The following RALGPS2 variants were observed in gnomAD, a reference collection of about 807,000 sequenced individuals.
RALGPS2 encodes the protein ras-specific guanine nucleotide-releasing factor RalGPS2.
In RALGPS2, 43 loss-of-function variants were observed where a neutral mutation model predicts 86.8. The observed-to-expected ratio is 0.50, with a 90% CI of 0.39 to 0.64. The LOEUF is 0.64. Among genes scored for constraint, RALGPS2 ranks in the 30% least tolerant of loss-of-function variants. The probability of loss-of-function intolerance (pLI) is 0.00; values close to 1 mark genes in which losing one functional copy is unlikely to be tolerated. For synonymous variants in RALGPS2, 243 were observed against 231.3 expected (o/e 1.05, Z -0.46); for missense variants, 536 against 694.6 (o/e 0.77, Z 2.57).
At chr1:178,862,277 G>A (rs757227633) in intron 8 of RALGPS2, among the ~76,000 whole-genome samples, 16 of 152,042 alleles carry the variant, frequency 1.1e-4, no homozygotes, top group Non-Finnish European at 2.2e-4. Context: ...ATGATATAAC[G>A]TATTAAATTA....
At chr1:178,863,474 T>A (rs1658170463) in intron 8 of RALGPS2, among the ~76,000 whole-genome samples, 1 of 152,178 alleles carries the variant, frequency 6.6e-6, no homozygotes, top group Non-Finnish European at 1.5e-5. Context: ...CCTAGGTGTG[T>A]TTGTTTGAAT....
At chr1:178,902,274 G>A in intron 18 of RALGPS2, 63 bp downstream of exon 18, 2 of 1,276,740 alleles carry the variant, frequency 1.6e-6, no homozygotes, top group East Asian at 2.3e-5. Flanking sequence ...ATGTATGTAT[G>A]TATGTGTGTG....
chr1:178,773,505 A>G (rs1652909101), intron 1 of RALGPS2, among the ~76,000 whole-genome samples: 1 of 152,264 alleles, frequency 6.6e-6, no homozygotes. Context: ...TACTAAAAGA[A>G]TAAACTCGTA....
chr1:178,749,551 A>G (rs1035426251), intron 1 of RALGPS2, among the ~76,000 whole-genome samples: 1 of 152,240 alleles, frequency 6.6e-6, no homozygotes, highest in Non-Finnish European at 1.5e-5. Flanking sequence ...TAGGGGAAGG[A>G]CAATGATTTG....
rs997443347 is a variant in RALGPS2, at chr1:178,752,448, C to G, written c.-83-24234C>G. Among the ~76,000 whole-genome samples, 7 of 152,010 alleles carry G rather than the reference C, an allele frequency of 4.6e-5. No homozygotes were observed. The South Asian group carries it at 6.2e-4, about 14-fold the overall frequency. On this transcript the variant is annotated intron_variant, in intron 1 of 19. Transcript: ENST00000367635. ...CAAAGTGGTGAGATACAGGTGTGAG[C>G]CATGTTGCCTGGCCATAGTAGCTTT...
At chr1:178,793,101 G>A (rs1474647663) in intron 4 of RALGPS2, among the ~76,000 whole-genome samples, 1 of 152,088 alleles carries the variant, frequency 6.6e-6, no homozygotes, top group Non-Finnish European at 1.5e-5. Flanking sequence ...TTATTTAAAA[G>A]CCCTTTGAAT....
At chr1:178,861,454 T>C (rs1467948415) in intron 8 of RALGPS2, among the ~76,000 whole-genome samples, 2 of 152,136 alleles carry the variant, frequency 1.3e-5, no homozygotes, top group South Asian at 2.1e-4. Flanking sequence ...TCGTGGGTTT[T>C]TTTTTTTGTA....
intron 19 of RALGPS2, among the ~76,000 whole-genome samples, chr1:178,910,827 G>A (rs930714523): frequency 1.3e-5 from 2 of 152,156 alleles, no homozygotes; most frequent in Non-Finnish European, 2.9e-5. Context: ...AATATTTTCA[G>A]TAGGATTGGT....
At chr1:178,785,050 A>C (rs777173730) in intron 3 of RALGPS2, among the ~76,000 whole-genome samples, 2 of 152,066 alleles carry the variant, frequency 1.3e-5, no homozygotes, top group Non-Finnish European at 2.9e-5. Flanking sequence ...TGGTCATAGC[A>C]TATTATTCCT....
chr1:178,911,503 C>G (rs1004971477), intron 19 of RALGPS2, among the ~76,000 whole-genome samples: 1 of 152,050 alleles, frequency 6.6e-6, no homozygotes, highest in Non-Finnish European at 1.5e-5. Context: ...TGTTTAAGTT[C>G]CATATAATTG....
intron 1 of RALGPS2, chr1:178,747,462 T>A: frequency 6.3e-7 from 1 of 1,598,320 alleles, no homozygotes; most frequent in Non-Finnish European, 8.6e-7. Context: ...TGGTCATCTG[T>A]TGGCCAGTAC....
At chr1:178,803,567 G>A (rs1018889157) in intron 4 of RALGPS2, among the ~76,000 whole-genome samples, 1 of 152,024 alleles carries the variant, frequency 6.6e-6, no homozygotes, top group Non-Finnish European at 1.5e-5. Flanking sequence ...TAATATTTTT[G>A]TGTGAATATA....
intron 1 of RALGPS2, among the ~76,000 whole-genome samples, chr1:178,746,076 A>G (rs1651312109): frequency 6.6e-6 from 1 of 151,788 alleles, no homozygotes; most frequent in African/African-American, 2.4e-5. Context: ...CCCACCTCAG[A>G]CTCCCAAAGT....
intron 13 of RALGPS2, 43 bp from the exon 14 acceptor site, chr1:178,889,599 G>C: frequency 7.8e-7 from 1 of 1,287,008 alleles, no homozygotes. Context: ...AAACTAGAGA[G>C]GTAATTCTGA....
At chr1:178,856,872 A>G (rs1205818303) in intron 8 of RALGPS2, among the ~76,000 whole-genome samples, 1 of 152,210 alleles carries the variant, frequency 6.6e-6, no homozygotes, top group Non-Finnish European at 1.5e-5. Context: ...TAAAAATAGT[A>G]GCCAATTTTA....
intron 1 of RALGPS2, among the ~76,000 whole-genome samples, chr1:178,744,246 A>G (rs1053814959): frequency 1.3e-5 from 2 of 152,214 alleles, no homozygotes; most frequent in Non-Finnish European, 2.9e-5. Flanking sequence ...AAAAAAAACT[A>G]TATGATCATC....
intron 8 of RALGPS2, among the ~76,000 whole-genome samples, chr1:178,855,354 A>G (rs918760304): frequency 6.8e-5 from 10 of 147,722 alleles, no homozygotes; most frequent in Admixed American, 1.3e-4. Flanking sequence ...GAAACTGTCT[A>G]TAATTTTTTG....
chr1:178,756,811 CT>C (rs1651978865), intron 1 of RALGPS2, among the ~76,000 whole-genome samples: 1 of 152,050 alleles, frequency 6.6e-6, no homozygotes, highest in Non-Finnish European at 1.5e-5. Flanking sequence ...CTATAGTTTA[CT>C]TGTTTTGTTG....
chr1:178,741,055 A>AT lies in RALGPS2; in HGVS notation c.-84+15643dup, dbSNP rs1263148996. On this transcript the variant is annotated intron_variant, in intron 1 of 19. Transcript: ENST00000367635. ...ATGTAATGATATTTGAGGTAATTTG[A>AT]TTTTTTTGCAACTAAGAGTCTAACT... is the stretch of plus-strand genomic sequence containing the variant. Among the ~76,000 whole-genome samples, 6 of 152,162 alleles carry AT rather than the reference A, an allele frequency of 3.9e-5. No homozygotes were observed. In the East Asian group the frequency reaches 1.2e-3, roughly 29 times the overall value.
Sources: allele counts gnomAD v4.1 joint callset (sites outside exome capture counted in the v4.1 genomes callset), GRCh38; gene constraint gnomAD v4.1.1; transcripts MANE v1.5; gene names NCBI Gene and HGNC (gene_info 2026-07-23, HGNC 2026-07-21).